NRG3: variants seen among roughly 807,000 people sequenced by gnomAD.
NRG3 encodes the protein neuregulin 3.
NRG3 carries 31 observed loss-of-function variants against 66.9 expected under a neutral mutation model. The ratio of observed to expected loss-of-function variants is 0.46; its 90% CI spans 0.35 to 0.63. The LOEUF (loss-of-function observed/expected upper bound fraction) is 0.63, where lower values mean the gene tolerates loss of function less well. Ranked by LOEUF, NRG3 falls within the 20% of genes least tolerant of loss-of-function variation. The pLI, the probability that NRG3 is intolerant of heterozygous loss-of-function variation, is 0.00. For missense variants in NRG3, 910 were observed against 878.9 expected (o/e 1.04, Z -0.45); for synonymous variants, 393 against 359.4 (o/e 1.09, Z -1.06).
intron 1 of NRG3, among the ~76,000 whole-genome samples, chr10:82,351,126 C>T (rs987173487): frequency 6.6e-6 from 1 of 152,074 alleles, no homozygotes; most frequent in Non-Finnish European, 1.5e-5. Flanking sequence ...GATCTCCTGA[C>T]CTCGAGATCT....
chr10:82,617,227 C>CCA (rs954780186), intron 2 of NRG3, among the ~76,000 whole-genome samples: 1 of 149,296 alleles, frequency 6.7e-6, no homozygotes, highest in Admixed American at 6.7e-5. Flanking sequence ...TATACACACA[C>CCA]CACACACACA....
At chr10:82,106,633 G>A (rs1219693529) in intron 1 of NRG3, among the ~76,000 whole-genome samples, 1 of 151,714 alleles carries the variant, frequency 6.6e-6, no homozygotes, top group African/African-American at 2.4e-5. Context: ...AGCCTCCCAA[G>A]TAGCTGGGAC....
chr10:82,641,309 G>A (rs1267587985), intron 2 of NRG3, among the ~76,000 whole-genome samples: 1 of 152,072 alleles, frequency 6.6e-6, no homozygotes, highest in Non-Finnish European at 1.5e-5. Context: ...TTTGTGATCT[G>A]TGCGCTTGTG....
At chr10:82,459,592 C>G (rs900043991) in intron 2 of NRG3, among the ~76,000 whole-genome samples, 2 of 152,322 alleles carry the variant, frequency 1.3e-5, no homozygotes, top group Admixed American at 1.3e-4. Flanking sequence ...CAGTGCTGCT[C>G]TGTCCTGTGT....
intron 1 of NRG3, among the ~76,000 whole-genome samples, chr10:82,151,986 T>C (rs1459504531): frequency 6.6e-6 from 1 of 152,208 alleles, no homozygotes; most frequent in Non-Finnish European, 1.5e-5. Context: ...ATAAAATACG[T>C]TAGCATAAGT....
chr10:82,340,232 G>T (rs143059768), intron 1 of NRG3, among the ~76,000 whole-genome samples: 1 of 152,082 alleles, frequency 6.6e-6, no homozygotes, highest in Non-Finnish European at 1.5e-5. Context: ...CTATGCAAAG[G>T]CTGCATTAAG....
intron 1 of NRG3, among the ~76,000 whole-genome samples, chr10:81,951,018 A>T (rs2133188762): frequency 6.6e-6 from 1 of 152,304 alleles, no homozygotes; most frequent in Non-Finnish European, 1.5e-5. Context: ...ACACAAAACA[A>T]TCGAATATCT....
At chr10:82,653,782 C>T (rs1362498081) in intron 2 of NRG3, among the ~76,000 whole-genome samples, 5 of 151,894 alleles carry the variant, frequency 3.3e-5, no homozygotes, top group African/African-American at 7.3e-5. Context: ...AATAAAGTGG[C>T]GATGAGCTGT....
At chr10:82,914,481 T>G (rs946089895) in intron 4 of NRG3, among the ~76,000 whole-genome samples, 1 of 152,178 alleles carries the variant, frequency 6.6e-6, no homozygotes, top group Non-Finnish European at 1.5e-5. Flanking sequence ...TAATGTTAAC[T>G]GTAGTTACAG....
intron 1 of NRG3, among the ~76,000 whole-genome samples, chr10:82,051,399 A>G (rs2063585182): frequency 6.6e-6 from 1 of 152,064 alleles, no homozygotes; most frequent in Non-Finnish European, 1.5e-5. Context: ...TTCATGTACT[A>G]AGAGTCTCTG....
intron 4 of NRG3, among the ~76,000 whole-genome samples, chr10:82,950,084 A>G (rs933225936): frequency 2.8e-4 from 42 of 151,990 alleles, no homozygotes; most frequent in African/African-American, 1.0e-3. Context: ...TTCTGTACTC[A>G]CTCCAGATCT....
chr10:82,878,157 G>C (rs1221421702), intron 4 of NRG3, among the ~76,000 whole-genome samples: 1 of 152,110 alleles, frequency 6.6e-6, no homozygotes, highest in African/African-American at 2.4e-5. Flanking sequence ...GGAAAAGGAA[G>C]AATAAAGGGA....
intron 2 of NRG3, among the ~76,000 whole-genome samples, chr10:82,391,286 C>T (rs2086348669): frequency 6.6e-6 from 1 of 152,088 alleles, no homozygotes; most frequent in African/African-American, 2.4e-5. Context: ...GAATATGCTA[C>T]TTTTCATACC....
chr10:82,526,971 T>C (rs1307807239), intron 2 of NRG3, among the ~76,000 whole-genome samples: 1 of 152,096 alleles, frequency 6.6e-6, no homozygotes, highest in Non-Finnish European at 1.5e-5. Flanking sequence ...TAATATCTAT[T>C]GATAGTATGT....
chr10:82,383,011 A>G (rs1339932637), intron 2 of NRG3, among the ~76,000 whole-genome samples: 4 of 152,000 alleles, frequency 2.6e-5, no homozygotes, highest in Non-Finnish European at 5.9e-5. Context: ...AAGCTTTATT[A>G]CATTAGATAT....
At chr10:82,832,403 G>GAAA (rs781194729) in intron 3 of NRG3, among the ~76,000 whole-genome samples, 1 of 152,138 alleles carries the variant, frequency 6.6e-6, no homozygotes, top group Non-Finnish European at 1.5e-5. Context: ...AAACCCCATT[G>GAAA]AAAATTCACT....
chr10:82,016,297 G>A (rs1219799217), intron 1 of NRG3, among the ~76,000 whole-genome samples: 1 of 152,028 alleles, frequency 6.6e-6, no homozygotes, highest in Non-Finnish European at 1.5e-5. Context: ...TTGGAGAAGT[G>A]GGCAGGAAAG....
chr10:82,625,361 A>T (rs867182309), intron 2 of NRG3, among the ~76,000 whole-genome samples: 1 of 152,036 alleles, frequency 6.6e-6, no homozygotes, highest in African/African-American at 2.4e-5. Context: ...TGCTTCTATT[A>T]TCCAGAATTT....
intron 2 of NRG3, among the ~76,000 whole-genome samples, chr10:82,529,254 C>G (rs573337874): frequency 6.6e-6 from 1 of 152,310 alleles, no homozygotes; most frequent in Admixed American, 6.5e-5. Context: ...GTAGAGGCAT[C>G]GGGCTTGTTG....
Sources: gnomAD v4.1 joint callset for allele counts (sites outside exome capture counted in the v4.1 genomes callset) on GRCh38, gnomAD v4.1.1 for gene constraint, MANE v1.5 for transcripts, NCBI Gene and HGNC (gene_info 2026-07-23, HGNC 2026-07-21) for gene names.